The following SYNE1 variants were observed in gnomAD, a reference collection of about 807,000 sequenced individuals.
SYNE1 encodes nesprin-1.
A neutral mutation model predicts 1,111.0 loss-of-function variants in SYNE1; 616 were observed. The observed-to-expected ratio is 0.55, with a 90% confidence interval of 0.52 to 0.59. The LOEUF is 0.59. Among genes scored for constraint, SYNE1 ranks in the 20% least tolerant of loss-of-function variants. The pLI is 0.00. For synonymous variants in SYNE1, 3,855 were observed against 3,825.8 expected, an observed-to-expected ratio of 1.01 and a Z score of -0.28; for missense variants, 10,006 against 10,417.0, an observed-to-expected ratio of 0.96 and a Z score of 1.72.
In SYNE1 at chr6:152,395,626, C is replaced by T; in HGVS notation, c.7602G>A (p.Met2534Ile). 2 of 1,614,114 alleles carry T rather than the reference C, an allele frequency of 1.2e-6. No individual in the cohort carries two copies. The highest frequency in any genetic ancestry group is 3.3e-5 in the Admixed American group (2 of 60,030). ...AGTTTTCCGTATTGAACCTTTCTTCCATTTCATGGATCCATAAGTTCAGTT... is the reference window on the plus strand; with the variant it reads ...AGTTTTCCGTATTGAACCTTTCTTCTATTTCATGGATCCATAAGTTCAGTT... ...HRKLNLWIHE[M>I]EERFNTENLG... is the part of the protein sequence containing the mutation. Residue 2534 changes from methionine (M) to isoleucine (I), a missense_variant, in exon 51 of 146, where the codon ATG (methionine) becomes ATA (isoleucine). By Grantham distance (10) the Met-to-Ile change is conservative. Transcript: ENST00000367255.
chr6:152,259,378 G>A (rs1053560678), intron 101 of SYNE1, among the ~76,000 whole-genome samples: 9 of 152,166 alleles, frequency 5.9e-5, no homozygotes, highest in African/African-American at 1.4e-4. Context: ...GTTGTGCATG[G>A]AAGCATTAAA....
intron 6 of SYNE1, 54 bp downstream of exon 6, chr6:152,520,404 CA>C (rs1437861752): frequency 1.1e-5 from 17 of 1,575,584 alleles, no homozygotes; most frequent in Admixed American, 6.7e-5. Flanking sequence ...ATACTGAAAA[CA>C]TAAGTATGCC....
chr6:152,300,820 A>G (rs148405405), intron 92 of SYNE1, 39 bp from the exon 93 acceptor site: 16,453 of 1,614,114 alleles, frequency 0.01, 103 homozygotes, highest in Non-Finnish European at 0.012. Flanking sequence ...ATGAAAATCA[A>G]TTAGCTATGT....
At chr6:152,402,206 C>T (rs1427869890) in intron 46 of SYNE1, among the ~76,000 whole-genome samples, 2 of 152,172 alleles carry the variant, frequency 1.3e-5, no homozygotes, top group African/African-American at 4.8e-5. Flanking sequence ...TTCATTCCTC[C>T]TCCCATAGGC....
At chr6:152,309,051 G>T (rs2095468966) in intron 90 of SYNE1, among the ~76,000 whole-genome samples, 1 of 152,162 alleles carries the variant, frequency 6.6e-6, no homozygotes, top group African/African-American at 2.4e-5. Flanking sequence ...GGGCGCAGTG[G>T]CTCAAGCCTG....
rs528535664 is a variant in SYNE1, at chr6:152,164,216, C to T, written c.23737G>A (p.Val7913Ile). The part of the protein sequence containing the change: ...HIESELAKPI[V>I]YDSCNSEEIQ... ...TCTTCCGAGTTACAGGAATCGTAGA[C>T]TATTGGCTTGGCCAGCTCTGACTCG... The change falls in exon 131 of 146, where the codon GTC becomes ATC. Residue 7913 changes from valine (V) to isoleucine (I), a missense_variant. Val to Ile is a conservative substitution (Grantham distance 29). Around this residue, in one of 7 missense-constraint regions of SYNE1, gnomAD observed 2,182 missense variants for 2,287.8 expected, o/e 0.95. Coordinates refer to ENST00000367255, the MANE Select transcript of SYNE1 (RefSeq NM_182961.4). The T allele has an allele frequency of 4.3e-6, 7 of 1,614,184 alleles. No individual in the cohort carries two copies. In the Admixed American group the frequency reaches 1.0e-4, roughly 23 times the overall value.
chr6:152,387,132 G>T lies in SYNE1; in HGVS notation c.8427C>A (p.Phe2809Leu), dbSNP rs1049611075. ...TCAGCTCCTCTTGAGCTGTGTCCTTGAAAGACTCATCCTCTGTCTTTTCGT... is the reference window on the plus strand; with the variant it reads ...TCAGCTCCTCTTGAGCTGTGTCCTTTAAAGACTCATCCTCTGTCTTTTCGT... ...ELYEKTEDES[F>L]KDTAQEELKT... The change falls in exon 54 of 146, where the codon TTC becomes TTA. Residue 2809 changes from phenylalanine (F) to leucine (L), a missense_variant. Transcript: ENST00000367255. The T allele has an allele frequency of 2.5e-6, 4 of 1,614,166 alleles. No homozygotes were observed. The highest frequency in any genetic ancestry group is 3.4e-6 in the Non-Finnish European group (4 of 1,180,020).
chr6:152,287,145 A>T (rs2094375731), intron 95 of SYNE1, among the ~76,000 whole-genome samples: 4 of 152,236 alleles, frequency 2.6e-5, no homozygotes, highest in Non-Finnish European at 5.9e-5. Flanking sequence ...TTTTAAAAAG[A>T]TCATTCACCA....
intron 128 of SYNE1, among the ~76,000 whole-genome samples, chr6:152,184,808 G>A (rs370804802): frequency 3.3e-5 from 5 of 151,982 alleles, no homozygotes; most frequent in African/African-American, 1.2e-4. Context: ...CAGGCCAAAC[G>A]CTTTTCAAAA....
Position 152,526,283 on chromosome 6 carries a change from C to A in SYNE1, c.130-108G>T, listed in dbSNP as rs2099163353. 3.9e-6 allele frequency: 4 copies of A among 1,038,502 alleles called. No homozygotes were observed. The African/African-American group carries it at 4.8e-5, about 12-fold the overall frequency. The allele number at this position is 1,038,502 out of a possible 1,614,324, so 64.3% of individuals were successfully genotyped here. A position where few individuals can be genotyped will look rare whatever the true frequency, so the allele number is the denominator to read the frequency against. Reference sequence around the variant, plus strand: ...ATGGTGGTGAAATTTGTAGGAGAGGCTTCTATATACTTTAATTCTTTATTT... The same window carrying A: ...ATGGTGGTGAAATTTGTAGGAGAGGATTCTATATACTTTAATTCTTTATTT... On this transcript the variant is annotated intron_variant, in intron 4 of 145. Transcript: ENST00000367255.
chr6:152,207,266 A>T (rs2076691429), intron 125 of SYNE1, among the ~76,000 whole-genome samples: 1 of 152,116 alleles, frequency 6.6e-6, no homozygotes, highest in Non-Finnish European at 1.5e-5. Context: ...TTCTGCTGGG[A>T]CCCACAGGGT....
At chr6:152,460,961 C>T (rs989549096) in intron 21 of SYNE1, among the ~76,000 whole-genome samples, 13 of 151,640 alleles carry the variant, frequency 8.6e-5, no homozygotes, top group South Asian at 2.1e-4. Context: ...TATAGGTGCA[C>T]GACACCATGC....
At chr6:152,365,103 C>T in intron 62 of SYNE1, 84 bp from the exon 63 acceptor site, 1 of 1,550,208 alleles carries the variant, frequency 6.5e-7, no homozygotes, top group East Asian at 2.3e-5. Flanking sequence ...CTAAAGATCA[C>T]AGAATAATAT....
At chr6:152,562,124 C>A (rs1366364016) in intron 3 of SYNE1, among the ~76,000 whole-genome samples, 2 of 152,026 alleles carry the variant, frequency 1.3e-5, no homozygotes, top group East Asian at 3.9e-4. Flanking sequence ...GAAGAGACAA[C>A]CTAGGGAGTG....
chr6:152,446,720 G>C (rs6557224), intron 29 of SYNE1, among the ~76,000 whole-genome samples: 4,793 of 152,194 alleles, frequency 0.031, 269 homozygotes, highest in African/African-American at 0.11. Context: ...CACAAACTTA[G>C]ATTTATATAA....
chr6:152,271,906 G>A (rs1410643403), intron 98 of SYNE1, among the ~76,000 whole-genome samples: 1 of 152,108 alleles, frequency 6.6e-6, no homozygotes, highest in African/African-American at 2.4e-5. Flanking sequence ...GTTTTTCAGA[G>A]CCCGGCCTGA....
chr6:152,355,804 A>G (rs975499703), intron 66 of SYNE1, among the ~76,000 whole-genome samples: 1 of 152,226 alleles, frequency 6.6e-6, no homozygotes, highest in African/African-American at 2.4e-5. Context: ...CAGTATATGT[A>G]GTTAAAACAT....
At chr6:152,147,877 A>G in intron 137 of SYNE1, 168 bp downstream of exon 137, 1 of 674,282 alleles carries the variant, frequency 1.5e-6, no homozygotes, top group Non-Finnish European at 2.5e-6. Flanking sequence ...CGGCCACACC[A>G]AATTTTGCAT....
intron 25 of SYNE1, among the ~76,000 whole-genome samples, chr6:152,452,622 C>T (rs1048728066): frequency 6.6e-6 from 1 of 152,132 alleles, no homozygotes; most frequent in African/African-American, 2.4e-5. Context: ...CTCCATGTAG[C>T]GCATGTGAAA....
Sources: allele counts gnomAD v4.1 joint callset (sites outside exome capture counted in the v4.1 genomes callset), GRCh38; gene constraint gnomAD v4.1.1; regional missense constraint gnomAD v4.1.1; transcripts MANE v1.5; gene names NCBI Gene and HGNC (gene_info 2026-07-23, HGNC 2026-07-21).